CTIF: variants seen among roughly 807,000 people sequenced by gnomAD.
CTIF encodes the protein cap binding complex dependent translation initiation factor.
In CTIF, 21 loss-of-function variants were observed where a neutral mutation model predicts 66.0. The observed-to-expected ratio is 0.32, with a 90% CI of 0.23 to 0.46. The LOEUF (loss-of-function observed/expected upper bound fraction) is 0.46, where lower values mean the gene tolerates loss of function less well. Ranked by LOEUF, CTIF falls within the 20% of genes least tolerant of loss-of-function variation. The pLI, the probability that CTIF is intolerant of heterozygous loss-of-function variation, is 1.00. For synonymous variants in CTIF, 345 were observed against 326.4 expected, an observed-to-expected ratio of 1.06 and a Z score of -0.62; for missense variants, 739 against 812.7, an observed-to-expected ratio of 0.91 and a Z score of 1.10.
chr18:48,733,760 G>GT (rs2092475681), intron 7 of CTIF, among the ~76,000 whole-genome samples: 1 of 152,234 alleles, frequency 6.6e-6, no homozygotes, highest in African/African-American at 2.4e-5. Flanking sequence ...GGCCACGCCT[G>GT]TGGGGACCCT....
intron 11 of CTIF, 63 bp from the exon 12 acceptor site, chr18:48,859,281 C>A (rs1357550831): frequency 7.2e-7 from 1 of 1,390,350 alleles, no homozygotes; most frequent in Non-Finnish European, 1.0e-6. Context: ...CCCACCTAAT[C>A]AGGGTGGCCA....
At chr18:48,847,030 C>T (rs2069095450) in intron 10 of CTIF, among the ~76,000 whole-genome samples, 1 of 152,158 alleles carries the variant, frequency 6.6e-6, no homozygotes, top group Non-Finnish European at 1.5e-5. Context: ...TGAGCTCCAG[C>T]CGGACATGGT....
intron 9 of CTIF, among the ~76,000 whole-genome samples, chr18:48,771,706 C>A (rs923402712): frequency 1.3e-5 from 2 of 152,176 alleles, no homozygotes; most frequent in African/African-American, 4.8e-5. Flanking sequence ...CAGAGGGTCA[C>A]CCCTGGCTGG....
intron 1 of CTIF, among the ~76,000 whole-genome samples, chr18:48,560,257 C>T (rs188206204): frequency 1.8e-4 from 27 of 147,802 alleles, no homozygotes; most frequent in East Asian, 9.8e-4. Context: ...GACAGAGTCT[C>T]GCTCTGTTGC....
intron 9 of CTIF, among the ~76,000 whole-genome samples, chr18:48,777,230 C>G (rs1357476546): frequency 2.6e-5 from 4 of 152,212 alleles, no homozygotes; most frequent in African/African-American, 9.6e-5. Flanking sequence ...GCAGCACCTG[C>G]TGGGTGGGCA....
At chr18:48,784,660 G>T (rs189402928) in intron 9 of CTIF, among the ~76,000 whole-genome samples, 1 of 152,250 alleles carries the variant, frequency 6.6e-6, no homozygotes, top group African/African-American at 2.4e-5. Flanking sequence ...GGAGCCTCCT[G>T]GGAGAGCCAG....
At chr18:48,753,692 C>T (rs1284020231) in intron 7 of CTIF, among the ~76,000 whole-genome samples, 1 of 152,208 alleles carries the variant, frequency 6.6e-6, no homozygotes, top group Admixed American at 6.5e-5. Context: ...TCTTCCTCAC[C>T]CGAAGAAGAC....
intron 2 of CTIF, among the ~76,000 whole-genome samples, chr18:48,626,848 G>C (rs992334650): frequency 3.3e-5 from 5 of 151,586 alleles, no homozygotes; most frequent in Admixed American, 2.0e-4. Flanking sequence ...GTAAAGACAG[G>C]GTTTCACCAT....
chr18:48,553,247 G>T (rs1250372181), intron 1 of CTIF, among the ~76,000 whole-genome samples: 1 of 152,188 alleles, frequency 6.6e-6, no homozygotes, highest in Non-Finnish European at 1.5e-5. Context: ...GGAGAGGGTT[G>T]CTGGTGAAGT....
At chr18:48,669,793 TTATA>T (rs57715945) in intron 5 of CTIF, among the ~76,000 whole-genome samples, 711 of 47,096 alleles carry the variant, frequency 0.015, 10 homozygotes, top group Middle Eastern at 0.044. Flanking sequence ...AGCTAAACAT[TTATA>T]TATATATATA....
At chr18:48,641,149 A>G (rs968407391) in intron 3 of CTIF, among the ~76,000 whole-genome samples, 11 of 152,226 alleles carry the variant, frequency 7.2e-5, no homozygotes, top group African/African-American at 2.7e-4. Context: ...GATTGTTGAA[A>G]TGAGAGACTG....
intron 10 of CTIF, among the ~76,000 whole-genome samples, chr18:48,850,004 C>T (rs982221092): frequency 2.6e-5 from 4 of 152,188 alleles, no homozygotes; most frequent in Non-Finnish European, 5.9e-5. Flanking sequence ...ACTCTGTCCC[C>T]ATGAAACACT....
At chr18:48,794,023 C>CCCATCT (rs2067853089) in intron 9 of CTIF, among the ~76,000 whole-genome samples, 7 of 145,980 alleles carry the variant, frequency 4.8e-5, no homozygotes. Context: ...CATCCCCATC[C>CCCATCT]CCATCTCCCC....
chr18:48,751,133 C>G (rs942988528), intron 7 of CTIF, among the ~76,000 whole-genome samples: 1 of 152,164 alleles, frequency 6.6e-6, no homozygotes, highest in Non-Finnish European at 1.5e-5. Context: ...CTTCTGCATC[C>G]CTGTGATGTG....
At chr18:48,844,085 C>T (rs2069013432) in intron 10 of CTIF, among the ~76,000 whole-genome samples, 1 of 152,218 alleles carries the variant, frequency 6.6e-6, no homozygotes, top group South Asian at 2.1e-4. Flanking sequence ...CCTCAGAGGC[C>T]CCCTCTCAAA....
chr18:48,813,004 T>C (rs2068291744), intron 9 of CTIF, among the ~76,000 whole-genome samples: 1 of 104,756 alleles, frequency 9.5e-6, no homozygotes, highest in Non-Finnish European at 2.0e-5. Context: ...ATCGTTTTTC[T>C]TTTTGTTTCT....
At chr18:48,594,120 G>A (rs1274236230) in intron 1 of CTIF, among the ~76,000 whole-genome samples, 1 of 150,454 alleles carries the variant, frequency 6.6e-6, no homozygotes, top group Non-Finnish European at 1.5e-5. Flanking sequence ...CAGTTTCTTT[G>A]GTGTCGTGAA....
intron 7 of CTIF, among the ~76,000 whole-genome samples, chr18:48,742,645 T>C (rs1478803530): frequency 6.6e-6 from 1 of 152,210 alleles, no homozygotes; most frequent in African/African-American, 2.4e-5. Flanking sequence ...GCGCAGCTCA[T>C]TTAACCCTCA....
At chr18:48,638,369 C>T (rs1053895739) in intron 3 of CTIF, among the ~76,000 whole-genome samples, 3 of 152,164 alleles carry the variant, frequency 2.0e-5, no homozygotes, top group African/African-American at 7.2e-5. Flanking sequence ...AATGAAGAGT[C>T]CTTTTTCCTC....
Sources: gnomAD v4.1 joint callset for allele counts (sites outside exome capture counted in the v4.1 genomes callset) on GRCh38, gnomAD v4.1.1 for gene constraint, MANE v1.5 for transcripts, NCBI Gene and HGNC (gene_info 2026-07-23, HGNC 2026-07-21) for gene names.